The following LRRC39 variants were observed in gnomAD, a reference collection of about 807,000 sequenced individuals.
LRRC39 encodes the protein leucine-rich repeat-containing protein 39.
In LRRC39, 35 loss-of-function variants were observed where a neutral mutation model predicts 39.7. The observed-to-expected ratio is 0.88, with a 90% CI of 0.67 to 1.17. The LOEUF is 1.17. LRRC39 is among the 50% of genes most tolerant of loss of function. The pLI is 0.00. For missense variants in LRRC39, 357 were observed against 385.8 expected, an observed-to-expected ratio of 0.93 and a Z score of 0.62; for synonymous variants, 113 against 134.1, an observed-to-expected ratio of 0.84 and a Z score of 1.09.
intron 9 of LRRC39, among the ~76,000 whole-genome samples, chr1:100,151,927 G>A (rs1367959441): frequency 6.6e-6 from 1 of 151,966 alleles, no homozygotes; most frequent in East Asian, 1.9e-4. Context: ...CTCCAGCCTG[G>A]GCAACATAGT....
chr1:100,159,148 G>T, intron 5 of LRRC39, 111 bp downstream of exon 5: 1 of 831,280 alleles, frequency 1.2e-6, no homozygotes, highest in Non-Finnish European at 1.7e-6. Flanking sequence ...AAATTCTCAA[G>T]GTTGAGGGCT....
At chr1:100,171,573 G>T (rs868369908) in intron 2 of LRRC39, among the ~76,000 whole-genome samples, 3 of 149,680 alleles carry the variant, frequency 2.0e-5, no homozygotes, top group African/African-American at 7.4e-5. Flanking sequence ...CGTGATCTCG[G>T]CTCACTGCAG....
intron 3 of LRRC39, among the ~76,000 whole-genome samples, chr1:100,160,848 A>C (rs1179985323): frequency 6.6e-6 from 1 of 151,678 alleles, no homozygotes. Flanking sequence ...CTGGTCTCGA[A>C]CTCCTGACCT....
At chr1:100,166,171 A>G (rs892657245) in intron 3 of LRRC39, among the ~76,000 whole-genome samples, 5 of 151,534 alleles carry the variant, frequency 3.3e-5, no homozygotes, top group African/African-American at 4.9e-5. Flanking sequence ...AGTCAATTAA[A>G]CCTCTTTTCT....
chr1:100,175,005 T>G (rs1659861106), intron 1 of LRRC39, among the ~76,000 whole-genome samples: 1 of 152,208 alleles, frequency 6.6e-6, no homozygotes, highest in African/African-American at 2.4e-5. Flanking sequence ...CCCTGCTCCC[T>G]CTTTTGCTCC....
intron 8 of LRRC39, 134 bp downstream of exon 8, chr1:100,154,917 T>C: frequency 1.3e-6 from 1 of 760,132 alleles, no homozygotes; most frequent in Non-Finnish European, 2.0e-6. Context: ...AATGTCAACA[T>C]TGGAAAAGAT....
intron 3 of LRRC39, among the ~76,000 whole-genome samples, chr1:100,161,644 T>A (rs894287026): frequency 6.6e-6 from 1 of 152,206 alleles, no homozygotes; most frequent in Admixed American, 6.5e-5. Flanking sequence ...GGTAACTTTA[T>A]GTTTAACATT....
At chr1:100,160,287 G>C (rs1386131985) in intron 4 of LRRC39, among the ~76,000 whole-genome samples, 179 bp downstream of exon 4, 1 of 152,134 alleles carries the variant, frequency 6.6e-6, no homozygotes, top group Admixed American at 6.5e-5. Flanking sequence ...CTGAACTTTT[G>C]CAAAATAATT....
At chr1:100,155,914 G>A (rs1658413171) in intron 7 of LRRC39, among the ~76,000 whole-genome samples, 1 of 152,188 alleles carries the variant, frequency 6.6e-6, no homozygotes, top group African/African-American at 2.4e-5. Context: ...TTGGCCAGGT[G>A]TGGTGGCTCA....
At chr1:100,177,509 A>G (rs1442936444) in intron 1 of LRRC39, among the ~76,000 whole-genome samples, 2 of 152,214 alleles carry the variant, frequency 1.3e-5, no homozygotes, top group Admixed American at 6.5e-5. Context: ...AGAATGCGAG[A>G]TCTCTTTGCT....
Position 100,148,539 on chromosome 1 carries a change from GTC to G in LRRC39, c.*501_*502del, listed in dbSNP as rs893220057. The G allele has an allele frequency of 8.6e-6, 11 of 1,282,364 alleles. No homozygotes were observed. Among genetic ancestry groups the G allele is most frequent in the South Asian group, 1.3e-5 (1 of 74,886 alleles). The allele number at this position is 1,282,364 out of a possible 1,614,324, so 79.4% of individuals were successfully genotyped here. On this transcript the variant is annotated 3_prime_UTR_variant, in exon 10 of 10. Transcript: ENST00000370137. ...TTAGTACATTATGGGTTAGTTAACAGTCTCTCAATAAATAGTGACAAAAATAA... is the reference window on the plus strand; with the variant it reads ...TTAGTACATTATGGGTTAGTTAACAGTCTCAATAAATAGTGACAAAAATAA...
chr1:100,164,719 T>C (rs942218952), intron 3 of LRRC39, among the ~76,000 whole-genome samples: 1 of 152,008 alleles, frequency 6.6e-6, no homozygotes, highest in African/African-American at 2.4e-5. Context: ...TTTTTTTAAA[T>C]GAGACAGTGT....
chr1:100,179,620 T>G (rs150819246), upstream of LRRC39, among the ~76,000 whole-genome samples: 1,265 of 151,046 alleles, frequency 8.4e-3, 11 homozygotes, highest in Non-Finnish European at 0.013. Context: ...ATATGTAGTC[T>G]CAGCTACTTG....
At chr1:100,175,438 T>C (rs1423688942) in intron 1 of LRRC39, among the ~76,000 whole-genome samples, 1 of 151,692 alleles carries the variant, frequency 6.6e-6, no homozygotes, top group South Asian at 2.1e-4. Flanking sequence ...TCCTCCTGCA[T>C]TGGCCTCCAG....
At chr1:100,149,600 A>G in intron 9 of LRRC39, 1 of 556,654 alleles carries the variant, frequency 1.8e-6, no homozygotes, top group African/African-American at 2.0e-5. Context: ...TTATATATGT[A>G]GGCACAAACA....
intron 8 of LRRC39, among the ~76,000 whole-genome samples, chr1:100,154,633 A>C (rs1377784627): frequency 6.6e-6 from 1 of 152,246 alleles, no homozygotes; most frequent in Non-Finnish European, 1.5e-5. Context: ...AATACTGAGA[A>C]CCAAGGCATT....
intron 3 of LRRC39, among the ~76,000 whole-genome samples, chr1:100,164,016 T>A (rs377334600): frequency 3.9e-5 from 6 of 152,228 alleles, no homozygotes; most frequent in African/African-American, 1.4e-4. Context: ...GAGGTTGCAG[T>A]GAGCCAAGAT....
chr1:100,158,672 G>A (rs1658652374), intron 5 of LRRC39, among the ~76,000 whole-genome samples: 1 of 151,736 alleles, frequency 6.6e-6, no homozygotes, highest in Non-Finnish European at 1.5e-5. Context: ...TCCTGACCTC[G>A]TGATCCGCCT....
intron 6 of LRRC39, among the ~76,000 whole-genome samples, chr1:100,157,368 C>T (rs775599119): frequency 1.3e-5 from 2 of 152,110 alleles, no homozygotes; most frequent in African/African-American, 4.8e-5. Flanking sequence ...CCATGTAAGA[C>T]GTGCCTTTTG....
Sources: allele counts gnomAD v4.1 joint callset (sites outside exome capture counted in the v4.1 genomes callset), GRCh38; gene constraint gnomAD v4.1.1; transcripts MANE v1.5; gene names NCBI Gene and HGNC (gene_info 2026-07-23, HGNC 2026-07-21).